Variants in CDK13 observed in about 807,000 individuals in gnomAD.
CDK13 encodes the protein cyclin-dependent kinase 13.
Under a neutral mutation model 137.6 loss-of-function variants are expected in CDK13, and 40 were observed. The ratio of observed to expected loss-of-function variants is 0.29; its 90% CI spans 0.23 to 0.38. The LOEUF (loss-of-function observed/expected upper bound fraction) is 0.38, where lower values mean the gene tolerates loss of function less well. CDK13 is among the 10% of genes least tolerant of loss of function. The pLI is 1.00. For synonymous variants in CDK13, 869 were observed against 760.1 expected, an observed-to-expected ratio of 1.14 and a Z score of -2.36; for missense variants, 1,704 against 1,951.8, an observed-to-expected ratio of 0.87 and a Z score of 2.39.
intron 11 of CDK13, chr7:40,085,834 G>C (rs949197142): frequency 2.0e-5 from 3 of 152,444 alleles, no homozygotes; most frequent in Admixed American, 6.6e-5. Context: ...TCCATGCATG[G>C]CTCTCTTTTA....
At chr7:39,968,462 C>T (rs1284345482) in intron 1 of CDK13, among the ~76,000 whole-genome samples, 1 of 152,132 alleles carries the variant, frequency 6.6e-6, no homozygotes, top group African/African-American at 2.4e-5. Flanking sequence ...GGTCTTGGAA[C>T]TCCTAGGTTC....
intron 7 of CDK13, chr7:40,061,603 G>A (rs981334585): frequency 6.6e-6 from 1 of 152,184 alleles, no homozygotes; most frequent in Non-Finnish European, 1.5e-5. Flanking sequence ...GCCTTTCTGG[G>A]GAATTTGCTA....
intron 11 of CDK13, among the ~76,000 whole-genome samples, chr7:40,079,305 G>A (rs1231114212): frequency 2.0e-5 from 3 of 152,144 alleles, no homozygotes; most frequent in Non-Finnish European, 2.9e-5. Context: ...TGTAATCCCA[G>A]CTACTTGGGA....
chr7:40,083,798 T>G (rs1197698859), intron 11 of CDK13, among the ~76,000 whole-genome samples: 1 of 152,202 alleles, frequency 6.6e-6, no homozygotes, highest in African/African-American at 2.4e-5. Flanking sequence ...TTAGATACAT[T>G]ACTAAAGCAA....
chr7:39,965,822 A>G (rs1041660612), intron 1 of CDK13, among the ~76,000 whole-genome samples: 6 of 152,140 alleles, frequency 3.9e-5, no homozygotes, highest in Non-Finnish European at 5.9e-5. Context: ...GGTGGTGACA[A>G]AATCTCTCAG....
intron 5 of CDK13, among the ~76,000 whole-genome samples, chr7:40,044,427 T>C (rs780186657): frequency 8.6e-5 from 13 of 151,756 alleles, no homozygotes; most frequent in Non-Finnish European, 1.5e-4. Context: ...CAAGCCATCC[T>C]CCTACTTCAG....
chr7:40,021,114 T>TACACACACACACACACACACAC (rs1261518119), intron 5 of CDK13, among the ~76,000 whole-genome samples: 3 of 94,686 alleles, frequency 3.2e-5, no homozygotes, highest in African/African-American at 1.2e-4. Flanking sequence ...TATATATATA[T>TACACACACACACACACACACAC]ATATATATAC....
intron 12 of CDK13, among the ~76,000 whole-genome samples, chr7:40,088,899 G>A (rs938520324): frequency 2.6e-5 from 4 of 151,832 alleles, no homozygotes; most frequent in Non-Finnish European, 5.9e-5. Flanking sequence ...GGCCAACATC[G>A]CGAAACCCCG....
At chr7:40,005,199 A>G (rs976814234) in intron 5 of CDK13, among the ~76,000 whole-genome samples, 3 of 151,776 alleles carry the variant, frequency 2.0e-5, no homozygotes, top group Non-Finnish European at 4.4e-5. Flanking sequence ...GGAAAACATC[A>G]TAAATATATT....
At chr7:39,972,892 G>T (rs1784029904) in intron 1 of CDK13, among the ~76,000 whole-genome samples, 1 of 152,084 alleles carries the variant, frequency 6.6e-6, no homozygotes, top group Admixed American at 6.5e-5. Context: ...TTTTAAAGTA[G>T]CTGCATCATT....
chr7:40,015,936 AG>A (rs1414477077), intron 5 of CDK13, among the ~76,000 whole-genome samples: 4 of 152,196 alleles, frequency 2.6e-5, no homozygotes, highest in Non-Finnish European at 5.9e-5. Flanking sequence ...GCAGATAATA[AG>A]GGAAATGCAA....
intron 11 of CDK13, among the ~76,000 whole-genome samples, chr7:40,086,974 G>A (rs569285197): frequency 5.4e-4 from 82 of 151,800 alleles, no homozygotes; most frequent in African/African-American, 1.9e-3. Context: ...CACCATGACT[G>A]GCTAATTTTT....
intron 3 of CDK13, chr7:39,998,387 CT>C (rs1378806947): frequency 2.3e-5 from 3 of 131,836 alleles, no homozygotes; most frequent in African/African-American, 8.8e-5. Flanking sequence ...GGGAGAATCA[CT>C]TGAGTCCAGG....
At chr7:39,989,585 A>AT (rs958161198) in intron 2 of CDK13, among the ~76,000 whole-genome samples, 32 of 152,074 alleles carry the variant, frequency 2.1e-4, no homozygotes, top group Admixed American at 1.5e-3. Context: ...ACCCCATCCA[A>AT]TTTAATCGGG....
chr7:39,996,242 A>C (rs1355887601), intron 2 of CDK13, among the ~76,000 whole-genome samples: 1 of 152,236 alleles, frequency 6.6e-6, no homozygotes, highest in Non-Finnish European at 1.5e-5. Context: ...CATTGATAAT[A>C]TCTTCAGTAA....
intron 7 of CDK13, chr7:40,061,219 T>C (rs1786139141): frequency 6.6e-6 from 1 of 152,206 alleles, no homozygotes; most frequent in South Asian, 2.1e-4. Flanking sequence ...CAAAAATCAC[T>C]GAGAAAAGTA....
chr7:40,064,170 A>C (rs1472981194), intron 9 of CDK13, among the ~76,000 whole-genome samples: 1 of 151,048 alleles, frequency 6.6e-6, no homozygotes, highest in South Asian at 2.1e-4. Context: ...TATAATCCCA[A>C]CTACTTGGGA....
intron 5 of CDK13, among the ~76,000 whole-genome samples, chr7:40,012,785 G>T (rs1379611430): frequency 6.6e-6 from 1 of 151,860 alleles, no homozygotes; most frequent in African/African-American, 2.4e-5. Flanking sequence ...AGTGGTGGGC[G>T]CCTGTAATCC....
chr7:40,026,340 C>T (rs553448635), intron 5 of CDK13, among the ~76,000 whole-genome samples: 1 of 152,034 alleles, frequency 6.6e-6, no homozygotes, highest in Non-Finnish European at 1.5e-5. Context: ...TAGACCCTAT[C>T]TCTAAAACAA....
Sources: gnomAD v4.1 joint callset for allele counts (sites outside exome capture counted in the v4.1 genomes callset) on GRCh38, gnomAD v4.1.1 for gene constraint, MANE v1.5 for transcripts, NCBI Gene and HGNC (gene_info 2026-07-23, HGNC 2026-07-21) for gene names.